The following EDDM13 variants were observed in gnomAD, a reference collection of about 807,000 sequenced individuals.
EDDM13 encodes the protein epididymal protein 13.
EDDM13 carries 24 observed loss-of-function variants against 17.8 expected under a neutral mutation model. The ratio of observed to expected loss-of-function variants is 1.35; its 90% CI spans 0.98 to 1.90. The LOEUF (loss-of-function observed/expected upper bound fraction) is 1.90, where lower values mean the gene tolerates loss of function less well. EDDM13 is among the 40% of genes most tolerant of loss of function. The pLI, the probability that EDDM13 is intolerant of heterozygous loss-of-function variation, is 0.00. For synonymous variants in EDDM13, 31 were observed against 37.5 expected (o/e 0.83, Z 0.63); for missense variants, 97 against 100.8 (o/e 0.96, Z 0.16).
intron 11 of EDDM13, among the ~76,000 whole-genome samples, chr19:56,296,572 G>T (rs2039891051): frequency 6.6e-6 from 1 of 152,150 alleles, no homozygotes; most frequent in African/African-American, 2.4e-5. Flanking sequence ...GTTATTCTAG[G>T]TGTTAGAGAT....
intron 9 of EDDM13, among the ~76,000 whole-genome samples, chr19:56,291,419 C>G (rs2039501199): frequency 6.6e-6 from 1 of 152,186 alleles, no homozygotes; most frequent in Non-Finnish European, 1.5e-5. Flanking sequence ...AGTCACCCAC[C>G]CTGGGCCCCA....
intron 9 of EDDM13, among the ~76,000 whole-genome samples, chr19:56,295,667 T>C (rs2039824627): frequency 6.6e-6 from 1 of 152,118 alleles, no homozygotes; most frequent in Non-Finnish European, 1.5e-5. Context: ...CTTCCCAGCC[T>C]AACCTTGCTG....
intron 2 of EDDM13, among the ~76,000 whole-genome samples, 60 bp downstream of exon 2, chr19:56,276,169 T>C (rs184770556): frequency 6.6e-6 from 1 of 152,338 alleles, no homozygotes; most frequent in Non-Finnish European, 1.5e-5. Context: ...AAAATTCTTT[T>C]CGATCTTGCA....
chr19:56,288,520 T>G (rs566849647), intron 7 of EDDM13, among the ~76,000 whole-genome samples, 82 bp downstream of exon 7: 22 of 152,230 alleles, frequency 1.4e-4, no homozygotes, highest in African/African-American at 5.3e-4. Flanking sequence ...ATACCCCACT[T>G]TTGATGCTTT....
intron 9 of EDDM13, among the ~76,000 whole-genome samples, chr19:56,293,930 G>T (rs537600993): frequency 1.3e-5 from 2 of 152,144 alleles, no homozygotes; most frequent in African/African-American, 4.8e-5. Context: ...TGTCTGGCAC[G>T]GGATAAGAGC....
At chr19:56,273,387 AG>A (rs1464605218) in intron 1 of EDDM13, among the ~76,000 whole-genome samples, 1 of 152,184 alleles carries the variant, frequency 6.6e-6, no homozygotes, top group African/African-American at 2.4e-5. Flanking sequence ...CATAACTCTG[AG>A]TTCCCATTTC....
chr19:56,284,341 C>A, intron 5 of EDDM13, 135 bp downstream of exon 5: 1 of 215,552 alleles, frequency 4.6e-6, no homozygotes, highest in Non-Finnish European at 7.9e-6. Flanking sequence ...AAATATGGTG[C>A]AAGGATTTTG....
intron 14 of EDDM13, among the ~76,000 whole-genome samples, chr19:56,309,598 CT>C (rs1254105508): frequency 1.3e-5 from 2 of 152,232 alleles, no homozygotes; most frequent in East Asian, 1.9e-4. Context: ...GGAAGTACCC[CT>C]GATCCATCCC....
chr19:56,299,718 A>G lies in EDDM13; in HGVS notation c.295+2187A>G, dbSNP rs192762921. On this transcript the variant is annotated intron_variant, in intron 12 of 14. Coordinates refer to ENST00000649256, the MANE Select transcript of EDDM13 (RefSeq NM_001354658.2). ...CTAGATTACTTATAATACAATGTAA[A>G]TGCTCCTTAGTTATTGTACTGTTAT... 5 of 152,304 alleles carry G rather than the reference A, an allele frequency of 3.3e-5. No homozygotes were observed. The East Asian group carries it at 9.6e-4, about 29-fold the overall frequency. The allele number at this position is 152,304 out of a possible 1,614,324, so 9.4% of individuals were successfully genotyped here. A position where few individuals can be genotyped will look rare whatever the true frequency, so the allele number is the denominator to read the frequency against.
intron 12 of EDDM13, among the ~76,000 whole-genome samples, chr19:56,298,509 C>T (rs1407426646): frequency 2.0e-5 from 3 of 151,862 alleles, no homozygotes; most frequent in Non-Finnish European, 4.4e-5. Flanking sequence ...AAAAATTAGC[C>T]AGGCGTGGTG....
chr19:56,303,414 G>A (rs1238985561), intron 13 of EDDM13, among the ~76,000 whole-genome samples: 3 of 151,428 alleles, frequency 2.0e-5, no homozygotes, highest in Non-Finnish European at 4.4e-5. Context: ...GGAAGCAGAG[G>A]TTGCAGTGAG....
At chr19:56,291,331 G>A (rs907245333) in intron 9 of EDDM13, among the ~76,000 whole-genome samples, 9 of 152,138 alleles carry the variant, frequency 5.9e-5, no homozygotes, top group Non-Finnish European at 8.8e-5. Context: ...GAATCCCCAC[G>A]GAAACTGAAT....
Position 56,310,374 on chromosome 19 carries a change from T to A in EDDM13, c.*226T>A, listed in dbSNP as rs2040961664. 6.6e-6 allele frequency: 1 copy of A among 152,228 alleles called. No homozygotes were observed. Among genetic ancestry groups the A allele is most frequent in the Admixed American group, 6.5e-5 (1 of 15,284 alleles). The allele number at this position is 152,228 out of a possible 1,614,324, so 9.4% of individuals were successfully genotyped here. A position where few individuals can be genotyped will look rare whatever the true frequency, so the allele number is the denominator to read the frequency against. ...CGGCTGAGAGAGCAACTGCAGGAGT[T>A]TCCCCTAAAATCTCTCCTCCAGATC... On this transcript the variant is annotated 3_prime_UTR_variant, in exon 15 of 15. Coordinates refer to ENST00000649256, the MANE Select transcript of EDDM13 (RefSeq NM_001354658.2).
At position 56,302,029 on chromosome 19, in the gene EDDM13, G is replaced by A; in HGVS notation, c.357G>A (p.Trp119Ter). ...CACTCCCCAAGAGGAAGAACACGTG[G>A]AACTTCCTGAAATGCGCCTACATGG... ...RKPLPKRKNT[W>*]NFLKCAYMVM... Residue 119 changes from tryptophan to a stop codon, truncating the protein, a stop_gained, in exon 13 of 15, where the codon TGG (tryptophan) becomes TGA (stop). Coordinates refer to ENST00000649256, the MANE Select transcript of EDDM13 (RefSeq NM_001354658.2). LOFTEE classifies it high-confidence loss of function. 1 of 1,231,958 alleles carries A rather than the reference G, an allele frequency of 8.1e-7. No homozygotes were observed. Among genetic ancestry groups the A allele is most frequent in the Non-Finnish European group, 1.0e-6 (1 of 988,198 alleles). 76.3% of individuals were successfully genotyped at this position (1,231,958 alleles called of 1,614,324 possible). A position where few individuals can be genotyped will look rare whatever the true frequency, so the allele number is the denominator to read the frequency against.
intron 14 of EDDM13, among the ~76,000 whole-genome samples, chr19:56,309,538 C>T (rs2040899857): frequency 6.6e-6 from 1 of 152,212 alleles, no homozygotes; most frequent in South Asian, 2.1e-4. Context: ...CCCTGCGGAA[C>T]ACAGTTTGAG....
At chr19:56,288,569 G>T (rs2039297018) in intron 7 of EDDM13, among the ~76,000 whole-genome samples, 131 bp downstream of exon 7, 1 of 152,144 alleles carries the variant, frequency 6.6e-6, no homozygotes, top group Non-Finnish European at 1.5e-5. Context: ...TGAGCTCCCT[G>T]AGCAGCTGGG....
At chr19:56,291,833 G>A (rs1330621672) in intron 9 of EDDM13, among the ~76,000 whole-genome samples, 5 of 151,898 alleles carry the variant, frequency 3.3e-5, no homozygotes. Context: ...ATCCCTCCTC[G>A]AATCAGGCAT....
Position 56,310,108 on chromosome 19 carries a change from C to T in EDDM13, c.462-16C>T, listed in dbSNP as rs1292143022. 6.6e-6 allele frequency: 1 copy of T among 152,280 alleles called. No individual in the cohort carries two copies. The highest frequency in any genetic ancestry group is 2.4e-5 in the African/African-American group (1 of 41,428). The allele number at this position is 152,280 out of a possible 1,614,324, so 9.4% of individuals were successfully genotyped here. ...CGAAAATCAATGCACAAATACATTTCTCTCTCCTTTCTTAGGGATGATCCC... is the reference window on the plus strand; with the variant it reads ...CGAAAATCAATGCACAAATACATTTTTCTCTCCTTTCTTAGGGATGATCCC... On this transcript the variant is annotated splice_polypyrimidine_tract_variant and intron_variant, in intron 14 of 14. Coordinates refer to ENST00000649256, the MANE Select transcript of EDDM13 (RefSeq NM_001354658.2).
chr19:56,279,512 T>G (rs2038521707), intron 2 of EDDM13, among the ~76,000 whole-genome samples: 1 of 152,224 alleles, frequency 6.6e-6, no homozygotes, highest in Admixed American at 6.5e-5. Context: ...GCATTTAGCA[T>G]GTACTGAGAA....
Sources: allele counts gnomAD v4.1 joint callset (sites outside exome capture counted in the v4.1 genomes callset), GRCh38; gene constraint gnomAD v4.1.1; transcripts MANE v1.5; gene names NCBI Gene and HGNC (gene_info 2026-07-23, HGNC 2026-07-21).